The following PIEZO2 variants were observed in gnomAD, a reference collection of about 807,000 sequenced individuals.
The protein encoded by PIEZO2 is piezo-type mechanosensitive ion channel component 2.
Under a neutral mutation model 337.3 loss-of-function variants are expected in PIEZO2, and 172 were observed. That is an observed-to-expected ratio of 0.51 (90% CI 0.45 to 0.58). PIEZO2 has a LOEUF of 0.58. Ranked by LOEUF, PIEZO2 falls within the 20% of genes least tolerant of loss-of-function variation. PIEZO2 has a pLI of 0.00. For missense variants in PIEZO2, 3,028 were observed against 3,391.3 expected, an observed-to-expected ratio of 0.89 and a Z score of 2.66; for synonymous variants, 1,251 against 1,228.5, an observed-to-expected ratio of 1.02 and a Z score of -0.38.
rs201977625 is a variant in PIEZO2 at position 11,037,631 on chromosome 18, C to T, written c.160+28496G>A. On this transcript the variant is annotated intron_variant, in intron 2 of 55. Coordinates refer to ENST00000674853, the MANE Select transcript of PIEZO2 (RefSeq NM_001378183.1). Reference sequence around the variant, plus strand: ...AGGGAACTTCATAAAAGAAGCTAACCTACTCTGCCATTTCTGAAAGCACTC... The same window carrying T: ...AGGGAACTTCATAAAAGAAGCTAACTTACTCTGCCATTTCTGAAAGCACTC... 3.9e-5 allele frequency among the ~76,000 whole-genome samples: 6 copies of T among 152,220 alleles called. No individual in the cohort carries two copies. In the East Asian group the frequency reaches 1.2e-3, roughly 29 times the overall value.
chr18:10,726,702 C>A lies in PIEZO2; in HGVS notation c.5029+4705G>T. 1 of 1,432,584 alleles carries A rather than the reference C, an allele frequency of 7.0e-7. No individual in the cohort carries two copies. Among genetic ancestry groups the A allele is most frequent in the Non-Finnish European group, 9.8e-7 (1 of 1,025,468 alleles). The allele number at this position is 1,432,584 out of a possible 1,614,324, so 88.7% of individuals were successfully genotyped here. ...GTTAATTCAGCAAGGACCAGGTGTACCTGAACGGCATCCTGTGCATTCTGG... is the reference window on the plus strand; with the variant it reads ...GTTAATTCAGCAAGGACCAGGTGTAACTGAACGGCATCCTGTGCATTCTGG... On this transcript the variant is annotated intron_variant, in intron 36 of 55. Transcript: ENST00000674853. This position sits in a 1 kb window ranked among gnomAD's most constrained non-coding sequence, Gnocchi z 5.9.
chr18:10,758,455 T>C (rs1361215917), intron 26 of PIEZO2, among the ~76,000 whole-genome samples: 2 of 152,146 alleles, frequency 1.3e-5, no homozygotes, highest in African/African-American at 4.8e-5. Context: ...TTTTTGTGTG[T>C]GTGTGTGTGA....
intron 36 of PIEZO2, among the ~76,000 whole-genome samples, chr18:10,722,957 ATTTTTTTTTT>A (rs36042609): frequency 2.0e-4 from 17 of 84,340 alleles, no homozygotes; most frequent in African/African-American, 4.3e-4. Flanking sequence ...GGATGCAGTG[ATTTTTTTTTT>A]TTTTTTTTTT....
intron 4 of PIEZO2, among the ~76,000 whole-genome samples, chr18:10,892,486 G>A (rs2042784047): frequency 6.6e-6 from 1 of 152,170 alleles, no homozygotes; most frequent in African/African-American, 2.4e-5. Flanking sequence ...AGAGGTGGGA[G>A]GTTGACTGCC....
At chr18:11,082,717 G>A (rs532749882) in intron 1 of PIEZO2, among the ~76,000 whole-genome samples, 8 of 152,316 alleles carry the variant, frequency 5.3e-5, no homozygotes, top group Admixed American at 5.2e-4. Flanking sequence ...ATGTGTGTAT[G>A]TGTGAGTGTG....
Position 10,824,320 on chromosome 18 carries a change from T to G in PIEZO2, c.918-17046A>C, listed in dbSNP as rs2144489467. ...GATATAAAGGCCTTCAAGACCTTAA[T>G]ATTTGCAGAGCCTTGGTTTCCCATC... is the stretch of plus-strand genomic sequence containing the variant. On this transcript the variant is annotated intron_variant, in intron 7 of 55. Coordinates refer to ENST00000674853, the MANE Select transcript of PIEZO2 (RefSeq NM_001378183.1). This position sits in a 1 kb window ranked among gnomAD's most constrained non-coding sequence, Gnocchi z 4.4. Among the ~76,000 whole-genome samples, 1 of 152,344 alleles carries G rather than the reference T, an allele frequency of 6.6e-6. No homozygotes were observed. Among genetic ancestry groups the G allele is most frequent in the East Asian group, 1.9e-4 (1 of 5,188 alleles).
At chr18:11,019,048 G>C (rs2036221884) in intron 2 of PIEZO2, among the ~76,000 whole-genome samples, 1 of 152,108 alleles carries the variant, frequency 6.6e-6, no homozygotes, top group African/African-American at 2.4e-5. Flanking sequence ...CAAGCCACCA[G>C]CAAACCCTGC....
In PIEZO2 at chr18:10,929,047, A is replaced by G. The variant is rs2031927727; in HGVS notation, c.287-17819T>C. Among the ~76,000 whole-genome samples, 1 of 152,124 alleles carries G rather than the reference A, an allele frequency of 6.6e-6. No homozygotes were observed. Among genetic ancestry groups the G allele is most frequent in the Non-Finnish European group, 1.5e-5 (1 of 68,024 alleles). On this transcript the variant is annotated intron_variant, in intron 3 of 55. Transcript: ENST00000674853. This position sits in a 1 kb window ranked among gnomAD's most constrained non-coding sequence, Gnocchi z 5.6. ...TTTGTCTCACTGCTGACTCAAAATGATTTACGGTACTTTGCTGAGGTTTTG... is the reference window on the plus strand; with the variant it reads ...TTTGTCTCACTGCTGACTCAAAATGGTTTACGGTACTTTGCTGAGGTTTTG...
intron 3 of PIEZO2, among the ~76,000 whole-genome samples, chr18:10,964,559 C>T (rs763344404): frequency 2.0e-4 from 31 of 152,144 alleles, no homozygotes; most frequent in Non-Finnish European, 4.0e-4. Flanking sequence ...TTAGTGAATA[C>T]GGTATACTTT....
chr18:10,971,630 T>C (rs1018207271), intron 3 of PIEZO2, among the ~76,000 whole-genome samples: 1 of 152,130 alleles, frequency 6.6e-6, no homozygotes, highest in African/African-American at 2.4e-5. Context: ...GCCAATATCA[T>C]TTACCAAGTC....
Position 11,077,066 on chromosome 18 carries a change from T to C in PIEZO2, c.65-10844A>G, listed in dbSNP as rs2145966118. On this transcript the variant is annotated intron_variant, in intron 1 of 55. Transcript: ENST00000674853. This position sits in a 1 kb window ranked among gnomAD's most constrained non-coding sequence, Gnocchi z 4.8. The stretch of plus-strand genomic sequence containing the variant: ...GAAATAAAGCTTTTATGCTCATACA[T>C]AATTTCTTAAACTATCAGACAAATT... Among the ~76,000 whole-genome samples, 1 of 152,362 alleles carries C rather than the reference T, an allele frequency of 6.6e-6. No individual in the cohort carries two copies. The highest frequency in any genetic ancestry group is 2.1e-4 in the South Asian group (1 of 4,830).
chr18:10,959,055 A>G (rs888527067), intron 3 of PIEZO2, among the ~76,000 whole-genome samples: 1 of 152,168 alleles, frequency 6.6e-6, no homozygotes, highest in South Asian at 2.1e-4. Flanking sequence ...TAGAGGGAAG[A>G]CATTAAATAT....
chr18:11,112,235 A>G lies in PIEZO2; in HGVS notation c.64+36290T>C, dbSNP rs760233012. Among the ~76,000 whole-genome samples the G allele has an allele frequency of 2.0e-5, 3 of 152,244 alleles. No homozygotes were observed. Among genetic ancestry groups the G allele is most frequent in the Non-Finnish European group, 4.4e-5 (3 of 68,044 alleles). On this transcript the variant is annotated intron_variant, in intron 1 of 55. Transcript: ENST00000674853. This position sits in a 1 kb window ranked among gnomAD's most constrained non-coding sequence, Gnocchi z 4.3. ...ATCAGATATTCGGATATTTGTAAAGATAACGGTGACTTTTCAAGTTCTGAA... is the reference window on the plus strand; with the variant it reads ...ATCAGATATTCGGATATTTGTAAAGGTAACGGTGACTTTTCAAGTTCTGAA...
chr18:11,023,049 G>A (rs1277478845), intron 2 of PIEZO2, among the ~76,000 whole-genome samples: 1 of 152,126 alleles, frequency 6.6e-6, no homozygotes, highest in Non-Finnish European at 1.5e-5. Flanking sequence ...GGCTTCAGGA[G>A]TGAAGCTGCA....
At chr18:10,718,001 G>T (rs538410890) in intron 37 of PIEZO2, among the ~76,000 whole-genome samples, 199 bp downstream of exon 37, 66 of 152,270 alleles carry the variant, frequency 4.3e-4, no homozygotes, top group African/African-American at 1.5e-3. Flanking sequence ...TTATCCAACT[G>T]CATAAAGTCC....
At chr18:10,685,612 T>C (rs919309581) in intron 49 of PIEZO2, among the ~76,000 whole-genome samples, 1 of 152,216 alleles carries the variant, frequency 6.6e-6, no homozygotes, top group African/African-American at 2.4e-5. Context: ...GGCAGTGAGC[T>C]GAAGAACAGA....
At chr18:11,015,374 T>C (rs1455517249) in intron 2 of PIEZO2, among the ~76,000 whole-genome samples, 1 of 152,142 alleles carries the variant, frequency 6.6e-6, no homozygotes, top group Non-Finnish European at 1.5e-5. Flanking sequence ...CTGTCTTCCT[T>C]CTCTGTGTGC....
chr18:10,693,563 A>G (rs2034954953), intron 47 of PIEZO2, among the ~76,000 whole-genome samples: 1 of 151,610 alleles, frequency 6.6e-6, no homozygotes. Flanking sequence ...GGGTTTCACC[A>G]TATTGGCCAG....
At chr18:11,034,514 C>G (rs1348060830) in intron 2 of PIEZO2, among the ~76,000 whole-genome samples, 1 of 152,022 alleles carries the variant, frequency 6.6e-6, no homozygotes, top group Non-Finnish European at 1.5e-5. Context: ...AGGATGGTCT[C>G]GATCTCCTGA....
Sources: allele counts gnomAD v4.1 joint callset (sites outside exome capture counted in the v4.1 genomes callset), GRCh38; gene constraint gnomAD v4.1.1; non-coding constraint Gnocchi (gnomAD v3.1); transcripts MANE v1.5; gene names NCBI Gene and HGNC (gene_info 2026-07-23, HGNC 2026-07-21).